Variants in ENOX2 observed in about 807,000 individuals in gnomAD.
ENOX2 encodes APK1 antigen.
ENOX2 carries 36 observed loss-of-function variants against 45.0 expected under a neutral mutation model. That is an observed-to-expected ratio of 0.80 (90% confidence interval 0.61 to 1.06). ENOX2 has a LOEUF of 1.06. Ranked by LOEUF, ENOX2 falls within the 50% of genes least tolerant of loss-of-function variation. The pLI, the probability that ENOX2 is intolerant of heterozygous loss-of-function variation, is 0.00. For missense variants in ENOX2, 423 were observed against 462.5 expected (o/e 0.91, Z 0.78); for synonymous variants, 174 against 152.3 (o/e 1.14, Z -1.05).
chrX:130,861,618 G>A (rs1422472845), intron 2 of ENOX2, among the ~76,000 whole-genome samples: 1 of 111,529 alleles, frequency 9.0e-6, no homozygotes, highest in Non-Finnish European at 1.9e-5. Flanking sequence ...GGGTTTCCAG[G>A]GCCTGGGAGG....
At chrX:130,813,719 A>G (rs1187951215) in intron 2 of ENOX2, among the ~76,000 whole-genome samples, 1 of 111,971 alleles carries the variant, frequency 8.9e-6, no homozygotes, top group Non-Finnish European at 1.9e-5. Context: ...ATTCCGACCC[A>G]GATACTATGC....
intron 3 of ENOX2, among the ~76,000 whole-genome samples, chrX:130,718,339 G>T (rs1184845155): frequency 8.9e-6 from 1 of 111,916 alleles, no homozygotes; most frequent in Non-Finnish European, 1.9e-5. Flanking sequence ...ACAGAGCAGG[G>T]TGACGGAGCT....
chrX:130,632,745 G>A (rs1420883189), intron 12 of ENOX2, among the ~76,000 whole-genome samples: 3 of 112,052 alleles, frequency 2.7e-5, no homozygotes, highest in Non-Finnish European at 3.8e-5. Context: ...TGCAAGACAT[G>A]TTGTTGTGTG....
intron 3 of ENOX2, among the ~76,000 whole-genome samples, chrX:130,755,743 C>G (rs754601003): frequency 1.6e-4 from 18 of 111,320 alleles, no homozygotes; most frequent in Non-Finnish European, 3.8e-5. Context: ...AACCAAACCA[C>G]ACCCTTTTAG....
intron 3 of ENOX2, among the ~76,000 whole-genome samples, chrX:130,746,389 G>A (rs1467198605): frequency 9.0e-6 from 1 of 111,675 alleles, no homozygotes; most frequent in Non-Finnish European, 1.9e-5. Context: ...TAAACTCATA[G>A]CTTCATCTTT....
chrX:130,798,343 T>C (rs2077167782), intron 2 of ENOX2, among the ~76,000 whole-genome samples: 1 of 112,803 alleles, frequency 8.9e-6, no homozygotes, highest in Non-Finnish European at 1.9e-5. Context: ...TTCTAAATAG[T>C]TTTCTAATTT....
In ENOX2 at chrX:130,740,466, CA is replaced by C. The variant is rs1185043879; in HGVS notation, c.-38-37213del. 6.3e-5 allele frequency among the ~76,000 whole-genome samples: 7 copies of C among 110,344 alleles called. 1 individual carries two copies. Among genetic ancestry groups the C allele is most frequent in the Admixed American group, 5.8e-4 (6 of 10,408 alleles). On this transcript the variant is annotated intron_variant, in intron 3 of 14. Coordinates refer to ENST00000394363, the MANE Select transcript of ENOX2 (RefSeq NM_006375.4). ...AATGAAGGGTTAAATATGGTAGTCA[CA>C]ACAATAAGTGCTATGGTGGCATGGG...
At chrX:130,881,170 T>C (rs915713539) in intron 2 of ENOX2, among the ~76,000 whole-genome samples, 5 of 112,346 alleles carry the variant, frequency 4.5e-5, no homozygotes, top group African/African-American at 9.7e-5. Flanking sequence ...CACATTTCAA[T>C]GCTCAATAGC....
intron 3 of ENOX2, among the ~76,000 whole-genome samples, chrX:130,780,598 C>T (rs1183928154): frequency 9.0e-6 from 1 of 111,431 alleles, no homozygotes; most frequent in Non-Finnish European, 1.9e-5. Context: ...AAGAAGGGGG[C>T]ATTGTTAATA....
chrX:130,701,216 G>C (rs2037890065), intron 4 of ENOX2, among the ~76,000 whole-genome samples: 1 of 110,803 alleles, frequency 9.0e-6, no homozygotes, highest in South Asian at 3.9e-4. Context: ...TATTTTTCCT[G>C]GGACTTTTAC....
At chrX:130,661,163 G>A (rs747711045) in intron 9 of ENOX2, among the ~76,000 whole-genome samples, 2 of 109,777 alleles carry the variant, frequency 1.8e-5, no homozygotes, top group Non-Finnish European at 1.9e-5. Context: ...CTTAATAAAT[G>A]TGTAACAAAA....
chrX:130,883,231 C>G (rs1453357565), intron 2 of ENOX2, among the ~76,000 whole-genome samples: 3 of 111,378 alleles, frequency 2.7e-5, no homozygotes, highest in Non-Finnish European at 5.7e-5. Flanking sequence ...CTGCTGCAGG[C>G]TCCCACGTAG....
intron 11 of ENOX2, among the ~76,000 whole-genome samples, chrX:130,635,867 A>T (rs1213194512): frequency 1.8e-5 from 2 of 112,521 alleles, no homozygotes; most frequent in African/African-American, 6.5e-5. Context: ...TTTTCAATAC[A>T]AAATAATCAA....
chrX:130,894,304 T>C (rs1310374268), intron 2 of ENOX2, among the ~76,000 whole-genome samples: 1 of 108,824 alleles, frequency 9.2e-6, no homozygotes, highest in Non-Finnish European at 1.9e-5. Context: ...TGTATACCTA[T>C]GTAACAAACC....
chrX:130,776,405 T>A (rs2039857144), intron 3 of ENOX2, among the ~76,000 whole-genome samples: 1 of 111,049 alleles, frequency 9.0e-6, no homozygotes, highest in Admixed American at 9.6e-5. Flanking sequence ...TGGGGGAAGA[T>A]CCCTCATGGC....
At position 130,724,039 on chromosome X, in the gene ENOX2, T is replaced by C. The variant is rs755266384; in HGVS notation, c.-38-20785A>G. On this transcript the variant is annotated intron_variant, in intron 3 of 14. Coordinates refer to ENST00000394363, the MANE Select transcript of ENOX2 (RefSeq NM_006375.4). ...TCAGTTTTTGTCTTCTTCAATCTGC[T>C]GACAGTATTGTAACACCTGACAATA... Among the ~76,000 whole-genome samples, 11 of 112,435 alleles carry C rather than the reference T, an allele frequency of 9.8e-5. No individual in the cohort carries two copies. The South Asian group carries it at 4.1e-3, about 42-fold the overall frequency.
At chrX:130,709,917 C>T (rs976825027) in intron 3 of ENOX2, among the ~76,000 whole-genome samples, 4 of 109,821 alleles carry the variant, frequency 3.6e-5, no homozygotes, top group Middle Eastern at 4.7e-3. Context: ...CCTCTCCTAG[C>T]CCCCCACCCC....
chrX:130,648,246 C>A (rs886534286), intron 10 of ENOX2, among the ~76,000 whole-genome samples: 1 of 110,084 alleles, frequency 9.1e-6, no homozygotes, highest in African/African-American at 3.3e-5. Flanking sequence ...TTGAGACCAG[C>A]CTGACCAACA....
intron 3 of ENOX2, among the ~76,000 whole-genome samples, chrX:130,777,130 C>T (rs1018872039): frequency 7.2e-5 from 8 of 111,569 alleles, no homozygotes; most frequent in African/African-American, 2.6e-4. Context: ...ATAACTAGTT[C>T]TCATTCTGCC....
Sources: gnomAD v4.1 joint callset for allele counts (sites outside exome capture counted in the v4.1 genomes callset) on GRCh38, gnomAD v4.1.1 for gene constraint, MANE v1.5 for transcripts, NCBI Gene and HGNC (gene_info 2026-07-23, HGNC 2026-07-21) for gene names.